DEGS2: variants seen among roughly 807,000 people sequenced by gnomAD.
DEGS2 encodes delta 4-desaturase, sphingolipid 2.
In DEGS2, 19 loss-of-function variants were observed where a neutral mutation model predicts 23.8. The observed-to-expected ratio is 0.80, with a 90% CI of 0.56 to 1.17. The LOEUF (loss-of-function observed/expected upper bound fraction) is 1.17. Among genes scored for constraint, DEGS2 ranks in the 50% most tolerant of loss-of-function variants. The pLI, the probability that DEGS2 is intolerant of heterozygous loss-of-function variation, is 0.00. For missense variants in DEGS2, 390 were observed against 459.5 expected (o/e 0.85, Z 1.38); for synonymous variants, 218 against 213.7 (o/e 1.02, Z -0.18).
chr14:100,152,461 G>A lies in DEGS2; in HGVS notation c.83-2751C>T, dbSNP rs8009866. On this transcript the variant is annotated intron_variant, in intron 1 of 2. Coordinates refer to ENST00000305631, the MANE Select transcript of DEGS2 (RefSeq NM_206918.3). ...TAAGTGGACTGAGTGAGGAAGGCCC[G>A]CCCACAATGTGGGCCAGCACCATCC... is the stretch of plus-strand genomic sequence containing the variant. 6.1e-3 allele frequency among the ~76,000 whole-genome samples: 923 copies of A among 152,256 alleles called. 8 individuals are homozygous for A. Among genetic ancestry groups the A allele is most frequent in the African/African-American group, 0.021 (878 of 41,542 alleles).
chr14:100,150,387 A>ACCCCCCCCCCC (rs778863717), intron 1 of DEGS2, among the ~76,000 whole-genome samples: 22 of 92,310 alleles, frequency 2.4e-4, no homozygotes, highest in African/African-American at 4.2e-4. Context: ...CCACCCCAAC[A>ACCCCCCCCCCC]CCCCCCCCCG....
intron 2 of DEGS2, among the ~76,000 whole-genome samples, chr14:100,147,206 C>G (rs752422380): frequency 4.6e-5 from 7 of 152,294 alleles, no homozygotes; most frequent in South Asian, 2.1e-4. Context: ...GGCCTGGTGG[C>G]CTGAACTGCG....
intron 1 of DEGS2, among the ~76,000 whole-genome samples, chr14:100,150,387 A>ACCCCCCCCCCCCCCCCCCCCCCCCC: frequency 1.1e-5 from 1 of 92,320 alleles, no homozygotes; most frequent in African/African-American, 4.6e-5. Context: ...CCACCCCAAC[A>ACCCCCCCCCCCCCCCCCCCCCCCCC]CCCCCCCCCG....
intron 2 of DEGS2, among the ~76,000 whole-genome samples, chr14:100,148,468 C>T (rs1284957693): frequency 1.3e-5 from 2 of 152,236 alleles, no homozygotes; most frequent in African/African-American, 4.8e-5. Context: ...CAGAAATTCT[C>T]CAGCTCCCAG....
intron 1 of DEGS2, 34 bp downstream of exon 1, chr14:100,159,472 G>A (rs1484429063): frequency 2.8e-6 from 4 of 1,448,180 alleles, no homozygotes; most frequent in Middle Eastern, 1.8e-4. Flanking sequence ...CAACGGGGCG[G>A]TCCCCACCGG....
At chr14:100,152,895 T>C (rs547392706) in intron 1 of DEGS2, among the ~76,000 whole-genome samples, 13 of 143,454 alleles carry the variant, frequency 9.1e-5, no homozygotes, top group South Asian at 6.7e-4. Flanking sequence ...GATGGATGGA[T>C]GGATGGAAGG....
chr14:100,161,684 GA>G (rs1221608801), upstream of DEGS2, among the ~76,000 whole-genome samples: 1 of 152,192 alleles, frequency 6.6e-6, no homozygotes, highest in African/African-American at 2.4e-5. Flanking sequence ...CATATTATAA[GA>G]TATTAAAATA....
chr14:100,147,660 C>CT (rs1164176552), intron 2 of DEGS2, among the ~76,000 whole-genome samples: 12 of 36,944 alleles, frequency 3.2e-4, no homozygotes, highest in Non-Finnish European at 6.9e-4. Flanking sequence ...CCCTCCCTGC[C>CT]CCCCCCCCCC....
At position 100,151,298 on chromosome 14, in the gene DEGS2, G is replaced by A. The variant is rs1250940886; in HGVS notation, c.83-1588C>T. 2.6e-5 allele frequency among the ~76,000 whole-genome samples: 4 copies of A among 152,242 alleles called. No individual in the cohort carries two copies. The East Asian group carries it at 5.8e-4, about 22-fold the overall frequency. ...TGATCTAAGAGGAAAAGCTGGTCTTGGGGCGATGGCCTGGCCCTGGCTTGT... is the reference window on the plus strand; with the variant it reads ...TGATCTAAGAGGAAAAGCTGGTCTTAGGGCGATGGCCTGGCCCTGGCTTGT... On this transcript the variant is annotated intron_variant, in intron 1 of 2. Transcript: ENST00000305631.
chr14:100,148,531 G>A (rs1472203571), intron 2 of DEGS2, among the ~76,000 whole-genome samples: 3 of 152,176 alleles, frequency 2.0e-5, no homozygotes, highest in African/African-American at 7.2e-5. Context: ...CATCAGCTCT[G>A]CCCAAGCCCC....
intron 1 of DEGS2, among the ~76,000 whole-genome samples, chr14:100,149,913 A>T (rs1889537847): frequency 6.6e-6 from 1 of 152,174 alleles, no homozygotes; most frequent in Admixed American, 6.5e-5. Flanking sequence ...CCAGACTCAG[A>T]GGGCAGGACT....
At chr14:100,147,017 G>A (rs888149489) in intron 2 of DEGS2, 110 bp from the exon 3 acceptor site, 1 of 1,324,042 alleles carries the variant, frequency 7.6e-7, no homozygotes, top group African/African-American at 1.5e-5. Flanking sequence ...GCATATTCAT[G>A]TACGAACATG....
chr14:100,144,007 T>A lies in DEGS2; in HGVS notation c.*2754A>T. 1 of 510,302 alleles carries A rather than the reference T, an allele frequency of 2.0e-6. No homozygotes were observed. The highest frequency in any genetic ancestry group is 2.8e-5 in the South Asian group (1 of 36,112). 31.6% of individuals were successfully genotyped at this position (510,302 alleles called of 1,614,324 possible). A position where few individuals can be genotyped will look rare whatever the true frequency, so the allele number is the denominator to read the frequency against. Reference sequence around the variant, plus strand: ...CTTATTTAAGGTACATTTCTTTGGGTTTCTAGAGACGCCCCTAAGTCACCT... The same window carrying A: ...CTTATTTAAGGTACATTTCTTTGGGATTCTAGAGACGCCCCTAAGTCACCT... On this transcript the variant is annotated 3_prime_UTR_variant, in exon 3 of 3. Coordinates refer to ENST00000305631, the MANE Select transcript of DEGS2 (RefSeq NM_206918.3).
chr14:100,154,804 G>C (rs1054443410), intron 1 of DEGS2, among the ~76,000 whole-genome samples: 12 of 152,220 alleles, frequency 7.9e-5, no homozygotes, highest in African/African-American at 2.4e-4. Context: ...CCAGGCCAGA[G>C]AGGCTGCTGT....
rs1485540352 is a variant in DEGS2, at chr14:100,149,127, C to T, written c.666G>A (p.Leu222=). The stretch of plus-strand genomic sequence containing the variant: ...CCACGAAGTGGCCCGAGATGGGGTG[C>T]AGGCCCAGGCCCAGGAAGGAGCTGG... ...LLASSFLGLG[L]HPISGHFVAE... is the part of the protein sequence containing the mutation. The change falls in exon 2 of 3, where the codon CTG becomes CTA. Residue 222 remains leucine, a synonymous_variant. Transcript: ENST00000305631. The T allele has an allele frequency of 3.1e-6, 5 of 1,612,988 alleles. No homozygotes were observed. Among genetic ancestry groups the T allele is most frequent in the Non-Finnish European group, 4.2e-6 (5 of 1,180,000 alleles).
intron 2 of DEGS2, among the ~76,000 whole-genome samples, chr14:100,148,148 C>T (rs1889487334): frequency 6.6e-6 from 1 of 152,218 alleles, no homozygotes; most frequent in South Asian, 2.1e-4. Flanking sequence ...CCTGCACAAC[C>T]AGGTAAATAC....
intron 1 of DEGS2, 50 bp downstream of exon 1, chr14:100,159,456 A>T: frequency 7.1e-7 from 1 of 1,402,244 alleles, no homozygotes; most frequent in Non-Finnish European, 9.4e-7. Flanking sequence ...GCGACTCCAG[A>T]CGGGCCAACG....
chr14:100,153,734 C>T (rs1889613104), intron 1 of DEGS2, among the ~76,000 whole-genome samples: 1 of 152,196 alleles, frequency 6.6e-6, no homozygotes, highest in African/African-American at 2.4e-5. Flanking sequence ...GCACAGAGCC[C>T]GACGTGCACA....
chr14:100,158,649 A>G (rs1889698320), intron 1 of DEGS2, among the ~76,000 whole-genome samples: 1 of 145,318 alleles, frequency 6.9e-6, no homozygotes, highest in African/African-American at 2.5e-5. Flanking sequence ...CTGACTGAAG[A>G]TTACAAAGTG....
Sources: gnomAD v4.1 joint callset for allele counts (sites outside exome capture counted in the v4.1 genomes callset) on GRCh38, gnomAD v4.1.1 for gene constraint, MANE v1.5 for transcripts, NCBI Gene and HGNC (gene_info 2026-07-23, HGNC 2026-07-21) for gene names.